Variants in TNPO1 observed in about 807,000 individuals in gnomAD.
TNPO1 encodes the protein transportin 1.
A neutral mutation model predicts 119.5 loss-of-function variants in TNPO1; 8 were observed. That is an observed-to-expected ratio of 0.07 (90% CI 0.04 to 0.12). TNPO1 has a LOEUF of 0.12. Ranked by LOEUF, TNPO1 falls within the 10% of genes least tolerant of loss-of-function variation. The probability of loss-of-function intolerance (pLI) is 1.00; values close to 1 mark genes in which losing one functional copy is unlikely to be tolerated. For missense variants in TNPO1, 576 were observed against 1,089.8 expected, an observed-to-expected ratio of 0.53 and a Z score of 6.64; for synonymous variants, 362 against 363.0, an observed-to-expected ratio of 1.00 and a Z score of 0.03.
intron 1 of TNPO1, among the ~76,000 whole-genome samples, chr5:72,820,739 C>T (rs1743924199): frequency 6.6e-6 from 1 of 152,104 alleles, no homozygotes; most frequent in South Asian, 2.1e-4. Flanking sequence ...GAATTTTATA[C>T]TATAACTAAC....
intron 8 of TNPO1, 150 bp downstream of exon 8, chr5:72,875,887 T>C: frequency 9.9e-7 from 1 of 1,007,886 alleles, no homozygotes; most frequent in Non-Finnish European, 1.4e-6. Flanking sequence ...GTTTTGTATT[T>C]CTGGGTATAG....
intron 1 of TNPO1, among the ~76,000 whole-genome samples, chr5:72,830,117 T>G (rs1185828745): frequency 6.6e-6 from 1 of 152,122 alleles, no homozygotes; most frequent in Non-Finnish European, 1.5e-5. Context: ...TGGAGAAGCT[T>G]AAGAGTGAGT....
chr5:72,872,798 A>G (rs1747503460), intron 7 of TNPO1, 78 bp downstream of exon 7: 7 of 752,706 alleles, frequency 9.3e-6, no homozygotes, highest in Non-Finnish European at 1.5e-5. Context: ...AACTGCATGT[A>G]GTTTTGCTTT....
At position 72,909,431 on chromosome 5, in the gene TNPO1, A is replaced by G. The variant is rs1165640254; in HGVS notation, c.*758A>G. ...TTGGGCATATCAAACTAAAGATGAC[A>G]TCTTAATTTTGCATTGAACATTAAT... On this transcript the variant is annotated 3_prime_UTR_variant, in exon 25 of 25. Coordinates refer to ENST00000337273, the MANE Select transcript of TNPO1 (RefSeq NM_002270.4). 1 of 152,184 alleles carries G rather than the reference A, an allele frequency of 6.6e-6. No homozygotes were observed. Among genetic ancestry groups the G allele is most frequent in the Admixed American group, 6.5e-5 (1 of 15,278 alleles). The allele number at this position is 152,184 out of a possible 1,614,324, so 9.4% of individuals were successfully genotyped here. A position where few individuals can be genotyped will look rare whatever the true frequency, so the allele number is the denominator to read the frequency against.
At chr5:72,845,276 A>G (rs1173694421) in intron 1 of TNPO1, among the ~76,000 whole-genome samples, 1 of 152,146 alleles carries the variant, frequency 6.6e-6, no homozygotes, top group Non-Finnish European at 1.5e-5. Context: ...AGAAAATCCA[A>G]TATTGATCTT....
At chr5:72,879,074 C>G (rs1483440585) in intron 9 of TNPO1, 1 of 254,604 alleles carries the variant, frequency 3.9e-6, no homozygotes, top group Non-Finnish European at 8.2e-6. Context: ...AATTCTGTTT[C>G]ACCTCATGCG....
intron 15 of TNPO1, 80 bp from the exon 16 acceptor site, chr5:72,893,059 C>T (rs1457877914): frequency 1.9e-6 from 2 of 1,044,694 alleles, no homozygotes; most frequent in Non-Finnish European, 2.9e-6. Context: ...GATCAGGATC[C>T]TGTTGAGCGC....
chr5:72,896,445 A>T lies in TNPO1; in HGVS notation c.2144-13A>T. ...TTGAAAAGTTTACTACATAGTTTAA[A>T]TTTTTTTTCTAGCTGATTTCATGCC... On this transcript the variant is annotated splice_polypyrimidine_tract_variant and intron_variant, in intron 18 of 24. Transcript: ENST00000337273. 3 of 1,602,162 alleles carry T rather than the reference A, an allele frequency of 1.9e-6. No individual in the cohort carries two copies. Among genetic ancestry groups the T allele is most frequent in the Non-Finnish European group, 2.6e-6 (3 of 1,171,114 alleles).
At chr5:72,865,501 A>G in intron 5 of TNPO1, 95 bp from the exon 6 acceptor site, 1 of 1,350,328 alleles carries the variant, frequency 7.4e-7, no homozygotes, top group South Asian at 1.3e-5. Flanking sequence ...TGGGCTGAGA[A>G]CATTAGTCCA....
At chr5:72,878,149 T>G (rs1174352253) in intron 9 of TNPO1, among the ~76,000 whole-genome samples, 1 of 150,362 alleles carries the variant, frequency 6.7e-6, no homozygotes, top group Non-Finnish European at 1.5e-5. Flanking sequence ...GTGTACGCTA[T>G]AGAGAGAGAG....
At chr5:72,843,809 G>T (rs1447785640) in intron 1 of TNPO1, among the ~76,000 whole-genome samples, 1 of 152,060 alleles carries the variant, frequency 6.6e-6, no homozygotes, top group East Asian at 1.9e-4. Flanking sequence ...AATTTTAATT[G>T]AACCAGATGG....
chr5:72,889,557 A>G (rs1211552392), intron 13 of TNPO1, among the ~76,000 whole-genome samples: 1 of 152,080 alleles, frequency 6.6e-6, no homozygotes, highest in Non-Finnish European at 1.5e-5. Context: ...TGAGACTTAC[A>G]GGTTAGTAGG....
intron 24 of TNPO1, among the ~76,000 whole-genome samples, chr5:72,907,540 T>G (rs183632607): frequency 3.3e-4 from 51 of 152,280 alleles, no homozygotes; most frequent in Admixed American, 6.5e-4. Flanking sequence ...CTTGGCATGA[T>G]TGGGTAGTAG....
chr5:72,831,950 A>G (rs1323940808), intron 1 of TNPO1, among the ~76,000 whole-genome samples: 4 of 152,050 alleles, frequency 2.6e-5, no homozygotes, highest in Non-Finnish European at 5.9e-5. Flanking sequence ...ACAGAAATTA[A>G]CCTTCTTTTT....
chr5:72,909,888 G>A lies in TNPO1; in HGVS notation c.*1215G>A, dbSNP rs1750443553. The A allele has an allele frequency of 6.6e-6, 1 of 152,570 alleles. No individual in the cohort carries two copies. The highest frequency in any genetic ancestry group is 2.4e-5 in the African/African-American group (1 of 41,424). The allele number at this position is 152,570 out of a possible 1,614,324, so 9.5% of individuals were successfully genotyped here. On this transcript the variant is annotated 3_prime_UTR_variant, in exon 25 of 25. Coordinates refer to ENST00000337273, the MANE Select transcript of TNPO1 (RefSeq NM_002270.4). ...AAATCTTTGCCTCTGTGCTGTCAGTGTGATGTGCTTTCTGCATGGTTATAT... is the reference window on the plus strand; with the variant it reads ...AAATCTTTGCCTCTGTGCTGTCAGTATGATGTGCTTTCTGCATGGTTATAT...
intron 1 of TNPO1, among the ~76,000 whole-genome samples, chr5:72,847,646 G>C (rs530941220): frequency 6.6e-6 from 1 of 152,298 alleles, no homozygotes; most frequent in Admixed American, 6.5e-5. Context: ...TTGGAATGTA[G>C]TTATTTCATA....
chr5:72,851,165 C>A, intron 2 of TNPO1, 79 bp from the exon 3 acceptor site: 1 of 863,456 alleles, frequency 1.2e-6, no homozygotes, highest in Non-Finnish European at 1.9e-6. Flanking sequence ...CCAAAGAGAT[C>A]CTTGATTTTT....
chr5:72,878,468 T>G (rs1747984434), intron 9 of TNPO1: 2 of 153,878 alleles, frequency 1.3e-5, no homozygotes, highest in East Asian at 1.9e-4. Context: ...AAAAAAAAGT[T>G]TTTAATATGT....
intron 4 of TNPO1, 117 bp downstream of exon 4, chr5:72,856,040 C>T: frequency 9.9e-7 from 1 of 1,008,608 alleles, no homozygotes; most frequent in Non-Finnish European, 1.5e-6. Flanking sequence ...GTTGGGGAAA[C>T]TTTCATTGCC....
Sources: allele counts gnomAD v4.1 joint callset (sites outside exome capture counted in the v4.1 genomes callset), GRCh38; gene constraint gnomAD v4.1.1; transcripts MANE v1.5; gene names NCBI Gene and HGNC (gene_info 2026-07-23, HGNC 2026-07-21).